Variants in GALNT13 observed in about 807,000 individuals in gnomAD.
The protein encoded by GALNT13 is polypeptide N-acetylgalactosaminyltransferase 13.
In GALNT13, 28 loss-of-function variants were observed where a neutral mutation model predicts 64.2. The observed-to-expected ratio is 0.44, with a 90% CI of 0.32 to 0.60. The LOEUF (loss-of-function observed/expected upper bound fraction) is 0.60, where lower values mean the gene tolerates loss of function less well. GALNT13 is among the 20% of genes least tolerant of loss of function. The pLI, the probability that GALNT13 is intolerant of heterozygous loss-of-function variation, is 0.05. For synonymous variants in GALNT13, 214 were observed against 224.6 expected, an observed-to-expected ratio of 0.95 and a Z score of 0.42; for missense variants, 577 against 669.8, an observed-to-expected ratio of 0.86 and a Z score of 1.53.
the GALNT13 span, among the ~76,000 whole-genome samples, chr2:153,178,281 C>T: frequency 6.6e-6 from 1 of 152,158 alleles, no homozygotes; most frequent in African/African-American, 2.4e-5. Flanking sequence ...GAGGAACCTC[C>T]TTACCTTTTT....
intron 9 of GALNT13, among the ~76,000 whole-genome samples, chr2:154,391,990 A>T (rs1191710831): frequency 1.3e-5 from 2 of 152,346 alleles, no homozygotes; most frequent in East Asian, 3.9e-4. Flanking sequence ...CCAAGTAAAG[A>T]ACAACTCATG....
the GALNT13 span, among the ~76,000 whole-genome samples, chr2:153,596,178 G>C: frequency 6.6e-6 from 1 of 152,192 alleles, no homozygotes; most frequent in African/African-American, 2.4e-5. Context: ...ACAGTATGGT[G>C]ATTGAGTTCT....
chr2:153,668,982 T>C, the GALNT13 span, among the ~76,000 whole-genome samples: 1 of 152,182 alleles, frequency 6.6e-6, no homozygotes, highest in South Asian at 2.1e-4. Context: ...GCATGTGAGA[T>C]GGGCCCTGTC....
chr2:154,369,126 T>C (rs978364297), intron 9 of GALNT13, among the ~76,000 whole-genome samples: 2 of 151,892 alleles, frequency 1.3e-5, no homozygotes, highest in Non-Finnish European at 2.9e-5. Context: ...CAAATAATGG[T>C]AATATTAGGG....
the GALNT13 span, among the ~76,000 whole-genome samples, chr2:153,261,930 C>T: frequency 6.6e-6 from 1 of 152,140 alleles, no homozygotes; most frequent in Non-Finnish European, 1.5e-5. Flanking sequence ...GTGAATGACA[C>T]AAACCCTGAG....
At chr2:153,439,493 T>C in the GALNT13 span, among the ~76,000 whole-genome samples, 9 of 152,158 alleles carry the variant, frequency 5.9e-5, no homozygotes, top group Admixed American at 5.9e-4. Flanking sequence ...GGCTGCTTTG[T>C]TTACCTACTC....
At chr2:154,290,754 G>A (rs1692566798) in intron 8 of GALNT13, among the ~76,000 whole-genome samples, 1 of 152,170 alleles carries the variant, frequency 6.6e-6, no homozygotes, top group South Asian at 2.1e-4. Flanking sequence ...AGTTCTTAAA[G>A]ATGGTGTGTC....
the GALNT13 span, among the ~76,000 whole-genome samples, chr2:153,250,607 A>T: frequency 1.3e-5 from 2 of 152,220 alleles, no homozygotes; most frequent in African/African-American, 2.4e-5. Context: ...CACTATTTAC[A>T]ATAGCAATGA....
chr2:153,224,587 A>G, the GALNT13 span, among the ~76,000 whole-genome samples: 1 of 152,336 alleles, frequency 6.6e-6, no homozygotes, highest in East Asian at 1.9e-4. Flanking sequence ...GTAAAAATCA[A>G]CAAAATTGAT....
At chr2:153,426,925 A>G in the GALNT13 span, among the ~76,000 whole-genome samples, 4 of 152,016 alleles carry the variant, frequency 2.6e-5, no homozygotes, top group South Asian at 2.1e-4. Context: ...AATAAATTTT[A>G]TTGGAAATTT....
At chr2:153,666,431 C>T in the GALNT13 span, among the ~76,000 whole-genome samples, 1 of 152,106 alleles carries the variant, frequency 6.6e-6, no homozygotes, top group African/African-American at 2.4e-5. Context: ...GTGCCATTGC[C>T]CCAAGAAGTG....
the GALNT13 span, among the ~76,000 whole-genome samples, chr2:153,164,303 T>C: frequency 6.6e-6 from 1 of 152,196 alleles, no homozygotes; most frequent in Non-Finnish European, 1.5e-5. Flanking sequence ...AATGTATACA[T>C]AAACATATAT....
At chr2:153,842,681 A>T in the GALNT13 span, among the ~76,000 whole-genome samples, 2 of 151,880 alleles carry the variant, frequency 1.3e-5, no homozygotes, top group Non-Finnish European at 2.9e-5. Context: ...TGCAAAAGTA[A>T]AAACTAAAGC....
At chr2:154,001,350 T>C (rs1358575051) in intron 3 of GALNT13, among the ~76,000 whole-genome samples, 1 of 152,010 alleles carries the variant, frequency 6.6e-6, no homozygotes, top group African/African-American at 2.4e-5. Flanking sequence ...TGTTGTTCTT[T>C]TTTTGATCCT....
the GALNT13 span, among the ~76,000 whole-genome samples, chr2:153,096,944 T>C: frequency 1.3e-5 from 2 of 152,126 alleles, no homozygotes; most frequent in Non-Finnish European, 2.9e-5. Flanking sequence ...TTCTTTTCCT[T>C]CTTTCATTTA....
chr2:153,366,388 C>A, the GALNT13 span, among the ~76,000 whole-genome samples: 1 of 151,538 alleles, frequency 6.6e-6, no homozygotes, highest in East Asian at 1.9e-4. Context: ...CACATCTATC[C>A]CGGAACTTAA....
chr2:154,427,028 A>G (rs920158416), intron 11 of GALNT13, among the ~76,000 whole-genome samples: 13 of 152,236 alleles, frequency 8.5e-5, no homozygotes, highest in African/African-American at 3.1e-4. Flanking sequence ...AAGATGAGAT[A>G]GAATATAATC....
chr2:153,583,766 C>T, the GALNT13 span, among the ~76,000 whole-genome samples: 14 of 152,268 alleles, frequency 9.2e-5, no homozygotes, highest in Admixed American at 2.0e-4. Context: ...TAGCTGCACA[C>T]GGTCCTGGGA....
At chr2:153,566,353 T>TTTTTTG in the GALNT13 span, among the ~76,000 whole-genome samples, 8 of 12,736 alleles carry the variant, frequency 6.3e-4, no homozygotes, top group Non-Finnish European at 1.5e-3. Context: ...ATCACGTTTT[T>TTTTTTG]TTTTTTTTTT....
Sources: gnomAD v4.1 joint callset for allele counts (sites outside exome capture counted in the v4.1 genomes callset) on GRCh38, gnomAD v4.1.1 for gene constraint, MANE v1.5 for transcripts, NCBI Gene and HGNC (gene_info 2026-07-23, HGNC 2026-07-21) for gene names.